The following VPS13B variants were observed in gnomAD, a reference collection of about 807,000 sequenced individuals.
VPS13B encodes the protein intermembrane lipid transfer protein VPS13B.
A neutral mutation model predicts 426.4 loss-of-function variants in VPS13B; 285 were observed. The observed-to-expected ratio is 0.67, with a 90% CI of 0.61 to 0.74. The LOEUF is 0.74. VPS13B is among the 30% of genes least tolerant of loss of function. The pLI, the probability that VPS13B is intolerant of heterozygous loss-of-function variation, is 0.00. For missense variants in VPS13B, 4,537 were observed against 4,782.6 expected, an observed-to-expected ratio of 0.95 and a Z score of 1.51; for synonymous variants, 1,676 against 1,676.4, an observed-to-expected ratio of 1.00 and a Z score of 0.01.
chr8:99,101,928 CT>C (rs1846773731), intron 4 of VPS13B, among the ~76,000 whole-genome samples: 1 of 151,686 alleles, frequency 6.6e-6, no homozygotes, highest in African/African-American at 2.4e-5. Flanking sequence ...AAATAGTTTT[CT>C]TTAATAGTGG....
At chr8:99,566,384 T>C (rs187359821) in intron 31 of VPS13B, among the ~76,000 whole-genome samples, 26 of 152,288 alleles carry the variant, frequency 1.7e-4, no homozygotes, top group Non-Finnish European at 2.5e-4. Flanking sequence ...CCTTGATTCA[T>C]TGAAACCCAA....
At chr8:99,736,122 G>A (rs2130437952) in intron 39 of VPS13B, among the ~76,000 whole-genome samples, 1 of 152,266 alleles carries the variant, frequency 6.6e-6, no homozygotes, top group Middle Eastern at 3.4e-3. Flanking sequence ...GTGTGGAAAG[G>A]ATTGAAGGAT....
At chr8:99,732,157 A>C (rs144640300) in intron 39 of VPS13B, among the ~76,000 whole-genome samples, 3 of 152,334 alleles carry the variant, frequency 2.0e-5, no homozygotes, top group Admixed American at 2.0e-4. Flanking sequence ...GATATGAAAG[A>C]CAGAAAATAT....
At chr8:99,682,349 C>G (rs960544086) in intron 35 of VPS13B, among the ~76,000 whole-genome samples, 2 of 152,088 alleles carry the variant, frequency 1.3e-5, no homozygotes, top group African/African-American at 4.8e-5. Flanking sequence ...GCATGTAATC[C>G]CAGCTTCTGA....
At chr8:99,762,286 A>G (rs1810973260) in intron 39 of VPS13B, among the ~76,000 whole-genome samples, 1 of 152,012 alleles carries the variant, frequency 6.6e-6, no homozygotes, top group Admixed American at 6.6e-5. Flanking sequence ...TCCACTTCCC[A>G]AAGTGCTGGG....
intron 19 of VPS13B, among the ~76,000 whole-genome samples, chr8:99,302,721 C>T (rs1271889567): frequency 6.6e-6 from 1 of 152,042 alleles, no homozygotes; most frequent in African/African-American, 2.4e-5. Flanking sequence ...GTTGGCCATG[C>T]TGGTCTTGAA....
intron 4 of VPS13B, among the ~76,000 whole-genome samples, chr8:99,098,086 T>G (rs750030635): frequency 5.3e-5 from 8 of 152,206 alleles, no homozygotes; most frequent in Admixed American, 1.3e-4. Context: ...AGATTATAAT[T>G]ATTGATGTGG....
At position 99,274,286 on chromosome 8, in the gene VPS13B, T is replaced by C; in HGVS notation, c.2604T>C (p.Cys868=). 6.2e-7 allele frequency: 1 copy of C among 1,614,146 alleles called. No individual in the cohort carries two copies. The highest frequency in any genetic ancestry group is 8.5e-7 in the Non-Finnish European group (1 of 1,180,024). The stretch of plus-strand genomic sequence containing the variant: ...ACTGCAGCACATCATTGGTCAAATG[T>C]GCCTCTGGGACCATGGGATCAATAA... ...LKYCSTSLVK[C]ASGTMGSIKI... Residue 868 remains cysteine (C), a synonymous_variant, in exon 18 of 62, where the codon TGT becomes TGC. Coordinates refer to ENST00000357162, the MANE Select transcript of VPS13B (RefSeq NM_152564.5).
In VPS13B at chr8:99,076,413, A is replaced by G. The variant is rs574168597; in HGVS notation, c.292-19899A>G. The stretch of plus-strand genomic sequence containing the variant: ...AGTTTACATCTGATTTTTTTGGTTG[A>G]TTTTCCATGTGGATGATATGTCCCA... On this transcript the variant is annotated intron_variant, in intron 3 of 61. Transcript: ENST00000357162. 2.0e-5 allele frequency among the ~76,000 whole-genome samples: 3 copies of G among 151,892 alleles called. No homozygotes were observed. In the South Asian group the frequency reaches 6.2e-4, roughly 32 times the overall value.
chr8:99,310,751 C>T (rs1023719392), intron 19 of VPS13B, among the ~76,000 whole-genome samples: 3 of 152,118 alleles, frequency 2.0e-5, no homozygotes, highest in African/African-American at 4.8e-5. Flanking sequence ...GGAATAGTTT[C>T]AGAAGGAATG....
At chr8:99,797,972 A>G (rs1812936729) in intron 43 of VPS13B, among the ~76,000 whole-genome samples, 1 of 152,068 alleles carries the variant, frequency 6.6e-6, no homozygotes, top group Non-Finnish European at 1.5e-5. Context: ...AGCTGTCTGC[A>G]ACTAGCAGTT....
intron 3 of VPS13B, among the ~76,000 whole-genome samples, chr8:99,088,932 A>G (rs946758333): frequency 6.6e-6 from 1 of 152,062 alleles, no homozygotes; most frequent in Non-Finnish European, 1.5e-5. Context: ...CAGTCTTTTC[A>G]AATCTCTTGT....
intron 3 of VPS13B, among the ~76,000 whole-genome samples, chr8:99,075,396 C>A (rs1409946548): frequency 6.6e-6 from 1 of 152,092 alleles, no homozygotes; most frequent in African/African-American, 2.4e-5. Flanking sequence ...GGAGGTACCA[C>A]ACACTTTTAA....
intron 33 of VPS13B, among the ~76,000 whole-genome samples, chr8:99,580,434 C>T (rs1398828598): frequency 6.6e-6 from 1 of 151,500 alleles, no homozygotes; most frequent in Non-Finnish European, 1.5e-5. Flanking sequence ...CTCAAGGGAT[C>T]CATCTGCCTT....
intron 23 of VPS13B, among the ~76,000 whole-genome samples, chr8:99,444,319 A>C (rs1423633465): frequency 2.0e-5 from 3 of 152,126 alleles, no homozygotes; most frequent in Non-Finnish European, 4.4e-5. Context: ...GGCTGGTTTC[A>C]AACTCCTGAC....
chr8:99,742,944 C>T (rs1563893995), intron 39 of VPS13B, among the ~76,000 whole-genome samples: 4 of 152,156 alleles, frequency 2.6e-5, no homozygotes, highest in Admixed American at 1.3e-4. Flanking sequence ...CTCACCACTC[C>T]TATTCAACAT....
Position 99,081,156 on chromosome 8 carries a change from G to A in VPS13B, c.292-15156G>A, listed in dbSNP as rs376925209. 7.9e-5 allele frequency among the ~76,000 whole-genome samples: 12 copies of A among 152,294 alleles called. 1 individual carries two copies. The East Asian group carries it at 9.7e-4, about 12-fold the overall frequency. ...ATTCACTCTGTTACTGGTTTTAAGC[G>A]TTGAGCTTGGTAACAGTCTCCCATC... On this transcript the variant is annotated intron_variant, in intron 3 of 61. Coordinates refer to ENST00000357162, the MANE Select transcript of VPS13B (RefSeq NM_152564.5).
chr8:99,449,370 A>G (rs1341737956), intron 23 of VPS13B, among the ~76,000 whole-genome samples: 1 of 152,210 alleles, frequency 6.6e-6, no homozygotes, highest in Non-Finnish European at 1.5e-5. Flanking sequence ...TTTGGTCCAT[A>G]TGGTGAAGTA....
intron 36 of VPS13B, among the ~76,000 whole-genome samples, chr8:99,711,194 C>A (rs1271747453): frequency 6.6e-6 from 1 of 152,038 alleles, no homozygotes; most frequent in African/African-American, 2.4e-5. Flanking sequence ...GGAATGGAGT[C>A]ACAACAGGTT....
Sources: allele counts gnomAD v4.1 joint callset (sites outside exome capture counted in the v4.1 genomes callset), GRCh38; gene constraint gnomAD v4.1.1; transcripts MANE v1.5; gene names NCBI Gene and HGNC (gene_info 2026-07-23, HGNC 2026-07-21).